Variants in EPS15L1 observed in about 807,000 individuals in gnomAD.
The protein encoded by EPS15L1 is epidermal growth factor receptor substrate 15-like 1.
A neutral mutation model predicts 117.1 loss-of-function variants in EPS15L1; 43 were observed. That is an observed-to-expected ratio of 0.37 (90% CI 0.29 to 0.47). The LOEUF is 0.47. Among genes scored for constraint, EPS15L1 ranks in the 20% least tolerant of loss-of-function variants. The probability of loss-of-function intolerance (pLI) is 0.99; values close to 1 mark genes in which losing one functional copy is unlikely to be tolerated. For missense variants in EPS15L1, 981 were observed against 1,164.0 expected (o/e 0.84, Z 2.29); for synonymous variants, 459 against 470.5 (o/e 0.98, Z 0.32).
At chr19:16,369,676 AGTGTGTGTGTGTGTGTGT>A (rs10543332) in intron 22 of EPS15L1, among the ~76,000 whole-genome samples, 1 of 146,040 alleles carries the variant, frequency 6.8e-6, no homozygotes, top group Non-Finnish European at 1.5e-5. Flanking sequence ...AAGAAAAAAA[AGTGTGTGTGTGTGTGTGT>A]GTGTGTGTGT....
At chr19:16,400,350 C>CA (rs2092587015) in intron 16 of EPS15L1, among the ~76,000 whole-genome samples, 5 of 128,852 alleles carry the variant, frequency 3.9e-5, no homozygotes, top group African/African-American at 1.2e-4. Flanking sequence ...AAAAAAAAAA[C>CA]AAAAACAAAA....
intron 1 of EPS15L1, among the ~76,000 whole-genome samples, chr19:16,446,614 AAC>A (rs1275009445): frequency 1.3e-5 from 2 of 152,152 alleles, no homozygotes; most frequent in Non-Finnish European, 2.9e-5. Context: ...GCCAATGAGC[AAC>A]AGTCAGTGAA....
intron 21 of EPS15L1, among the ~76,000 whole-genome samples, chr19:16,377,579 G>A (rs2144703549): frequency 6.6e-6 from 1 of 152,306 alleles, no homozygotes; most frequent in South Asian, 2.1e-4. Context: ...TCCAGGACTT[G>A]GCACATAGGG....
chr19:16,411,183 G>A (rs2092702783), intron 13 of EPS15L1, among the ~76,000 whole-genome samples: 2 of 152,292 alleles, frequency 1.3e-5, no homozygotes, highest in South Asian at 4.1e-4. Flanking sequence ...CAAAAAGTGG[G>A]AAAACCCAAA....
chr19:16,451,237 C>T (rs1274271731), intron 1 of EPS15L1, among the ~76,000 whole-genome samples: 2 of 152,226 alleles, frequency 1.3e-5, no homozygotes, highest in African/African-American at 4.8e-5. Context: ...AGGCGTGAGC[C>T]ACCGCGCCCG....
chr19:16,364,636 C>T (rs1292923609), intron 22 of EPS15L1, among the ~76,000 whole-genome samples: 12 of 152,198 alleles, frequency 7.9e-5, no homozygotes. Flanking sequence ...GCCAAGGCCT[C>T]GCTGCCAGGT....
intron 16 of EPS15L1, among the ~76,000 whole-genome samples, chr19:16,396,940 G>T (rs1484781860): frequency 6.6e-6 from 1 of 152,130 alleles, no homozygotes; most frequent in African/African-American, 2.4e-5. Flanking sequence ...GGCTGCCAGG[G>T]GCTGTGGGTG....
At chr19:16,386,279 A>G (rs2092420194) in intron 19 of EPS15L1, 48 bp from the exon 20 acceptor site, 1 of 1,466,924 alleles carries the variant, frequency 6.8e-7, no homozygotes, top group Non-Finnish European at 9.5e-7. Context: ...CGTTGGTTCC[A>G]TCACCCATTC....
intron 1 of EPS15L1, among the ~76,000 whole-genome samples, chr19:16,449,788 C>G (rs1032949257): frequency 6.6e-6 from 1 of 152,100 alleles, no homozygotes; most frequent in Non-Finnish European, 1.5e-5. Flanking sequence ...AACTGTGGTC[C>G]AAGCACACCA....
chr19:16,459,610 G>A (rs1174214312), intron 1 of EPS15L1, among the ~76,000 whole-genome samples: 8 of 152,156 alleles, frequency 5.3e-5, no homozygotes, highest in Admixed American at 2.6e-4. Context: ...GTCCCCATCT[G>A]TAAAATGAGA....
chr19:16,437,646 A>G (rs1340697357), intron 5 of EPS15L1, 124 bp downstream of exon 5: 1 of 701,230 alleles, frequency 1.4e-6, no homozygotes, highest in Non-Finnish European at 2.5e-6. Flanking sequence ...TGTGAATTTC[A>G]CCACAATAAA....
intron 1 of EPS15L1, among the ~76,000 whole-genome samples, chr19:16,464,957 T>C (rs1487627488): frequency 6.6e-6 from 1 of 151,902 alleles, no homozygotes; most frequent in African/African-American, 2.4e-5. Flanking sequence ...CGGGTGCCTG[T>C]AGTCCCAGCT....
chr19:16,415,095 A>C (rs2092745585), intron 12 of EPS15L1, among the ~76,000 whole-genome samples: 1 of 152,140 alleles, frequency 6.6e-6, no homozygotes, highest in Non-Finnish European at 1.5e-5. Context: ...TTGGAACAGG[A>C]AAAATTGATT....
intron 2 of EPS15L1, 83 bp from the exon 3 acceptor site, chr19:16,442,064 G>A (rs952639559): frequency 6.1e-6 from 9 of 1,475,420 alleles, no homozygotes; most frequent in East Asian, 4.5e-5. Context: ...CTAACTATCC[G>A]CTGACAGTGA....
intron 1 of EPS15L1, among the ~76,000 whole-genome samples, chr19:16,451,776 G>A (rs897484508): frequency 1.4e-5 from 2 of 148,070 alleles, no homozygotes; most frequent in Non-Finnish European, 3.0e-5. Context: ...TGATCCACCC[G>A]CCTCGGCCTG....
intron 22 of EPS15L1, among the ~76,000 whole-genome samples, chr19:16,367,497 T>TAA (rs71178691): frequency 0.062 from 4,018 of 65,234 alleles, 405 homozygotes; most frequent in South Asian, 0.082. Flanking sequence ...TATGTGCTGT[T>TAA]AAAAAAAAAA....
At chr19:16,382,281 T>C (rs1212359679) in intron 21 of EPS15L1, among the ~76,000 whole-genome samples, 1 of 152,242 alleles carries the variant, frequency 6.6e-6, no homozygotes, top group Non-Finnish European at 1.5e-5. Flanking sequence ...CCAATTTTCA[T>C]GACTTCAAGT....
intron 16 of EPS15L1, chr19:16,402,111 T>C: frequency 7.4e-7 from 1 of 1,343,996 alleles, no homozygotes; most frequent in Non-Finnish European, 9.5e-7. Context: ...TATCTTGGAC[T>C]TTGTTCTGGA....
intron 21 of EPS15L1, 107 bp downstream of exon 21, chr19:16,385,022 C>T (rs1050796977): frequency 4.4e-5 from 38 of 865,704 alleles, no homozygotes; most frequent in Admixed American, 2.7e-4. Flanking sequence ...GGAAAGGTGC[C>T]GGGGAGATAC....
Sources: gnomAD v4.1 joint callset for allele counts (sites outside exome capture counted in the v4.1 genomes callset) on GRCh38, gnomAD v4.1.1 for gene constraint, MANE v1.5 for transcripts, NCBI Gene and HGNC (gene_info 2026-07-23, HGNC 2026-07-21) for gene names.